Variants in C1QTNF3 observed in about 807,000 individuals in gnomAD.
The protein encoded by C1QTNF3 is complement C1q tumor necrosis factor-related protein 3.
C1QTNF3 carries 26 observed loss-of-function variants against 32.6 expected under a neutral mutation model. The ratio of observed to expected loss-of-function variants is 0.80; its 90% CI spans 0.58 to 1.11. C1QTNF3 has a LOEUF of 1.11. Ranked by LOEUF, C1QTNF3 falls within the 50% of genes least tolerant of loss-of-function variation. The pLI is 0.00. For missense variants in C1QTNF3, 362 were observed against 398.2 expected (o/e 0.91, Z 0.77); for synonymous variants, 155 against 146.0 (o/e 1.06, Z -0.44).
At chr5:34,144,808 A>G in the C1QTNF3 span, among the ~76,000 whole-genome samples, 1 of 152,210 alleles carries the variant, frequency 6.6e-6, no homozygotes, top group Non-Finnish European at 1.5e-5. Context: ...TTATAGGCCT[A>G]AACACCTTCA....
At chr5:34,238,110 T>C in the C1QTNF3 span, among the ~76,000 whole-genome samples, 2 of 152,166 alleles carry the variant, frequency 1.3e-5, no homozygotes, top group Admixed American at 6.5e-5. Context: ...CCTGACCCTT[T>C]GAAAGCATCC....
At chr5:34,092,247 A>T in the C1QTNF3 span, among the ~76,000 whole-genome samples, 4 of 151,942 alleles carry the variant, frequency 2.6e-5, no homozygotes, top group African/African-American at 9.7e-5. Context: ...TAATGAGAGC[A>T]ATTTTCCAAA....
chr5:34,119,727 C>T, the C1QTNF3 span, among the ~76,000 whole-genome samples: 2 of 152,120 alleles, frequency 1.3e-5, no homozygotes, highest in African/African-American at 4.8e-5. Context: ...CCATTTTATC[C>T]TGAAAACCAG....
the C1QTNF3 span, among the ~76,000 whole-genome samples, chr5:34,145,174 T>C: frequency 3.9e-5 from 6 of 151,956 alleles, no homozygotes; most frequent in Non-Finnish European, 8.8e-5. Context: ...AGAAGAACTA[T>C]ATGTAATTGA....
chr5:34,162,776 A>G, the C1QTNF3 span, among the ~76,000 whole-genome samples: 1 of 152,172 alleles, frequency 6.6e-6, no homozygotes, highest in East Asian at 1.9e-4. Flanking sequence ...GTTCAACAAA[A>G]CAGAATTTTA....
intron 1 of C1QTNF3, among the ~76,000 whole-genome samples, chr5:34,040,697 C>A (rs1754847334): frequency 6.6e-6 from 1 of 152,136 alleles, no homozygotes; most frequent in Non-Finnish European, 1.5e-5. Flanking sequence ...CAGAATCCTT[C>A]TTGGCACTAA....
chr5:34,071,191 T>C, the C1QTNF3 span, among the ~76,000 whole-genome samples: 1 of 152,196 alleles, frequency 6.6e-6, no homozygotes, highest in Non-Finnish European at 1.5e-5. Flanking sequence ...TAATCAAATT[T>C]AAGGTGGTCA....
chr5:34,093,224 T>C, the C1QTNF3 span, among the ~76,000 whole-genome samples: 1 of 150,234 alleles, frequency 6.7e-6, no homozygotes, highest in Non-Finnish European at 1.5e-5. Flanking sequence ...ATCTCATTTA[T>C]TATCTAGGTG....
At chr5:34,114,623 T>A in the C1QTNF3 span, among the ~76,000 whole-genome samples, 1 of 152,186 alleles carries the variant, frequency 6.6e-6, no homozygotes, top group Admixed American at 6.5e-5. Context: ...TTTTACTTTT[T>A]TTTTGTTTTA....
At chr5:34,223,634 C>T in the C1QTNF3 span, among the ~76,000 whole-genome samples, 1 of 151,864 alleles carries the variant, frequency 6.6e-6, no homozygotes, top group East Asian at 1.9e-4. Flanking sequence ...ACAGTCCCAC[C>T]AACAGTGTAA....
the C1QTNF3 span, among the ~76,000 whole-genome samples, chr5:34,071,440 A>T: frequency 6.6e-6 from 1 of 152,300 alleles, no homozygotes; most frequent in East Asian, 1.9e-4. Flanking sequence ...TTAATGACTC[A>T]TTATTTCCAT....
the C1QTNF3 span, among the ~76,000 whole-genome samples, chr5:34,143,554 T>C: frequency 1.3e-5 from 2 of 152,214 alleles, no homozygotes; most frequent in East Asian, 3.9e-4. Context: ...ATATATTATA[T>C]ACAGACAGAA....
In C1QTNF3 at chr5:34,023,930, T is replaced by C; in HGVS notation, c.779A>G (p.Asn260Ser). The C allele has an allele frequency of 1.2e-6, 2 of 1,614,094 alleles. No homozygotes were observed. The highest frequency in any genetic ancestry group is 1.7e-6 in the Non-Finnish European group (2 of 1,179,950). Residue 260 changes from asparagine to serine, a missense_variant, in exon 5 of 6, where the codon AAC becomes AGC. Transcript: ENST00000382065. ...EVYVYLMHNGNTVFSMYSYEM... is the reference protein window; with the variant it reads ...EVYVYLMHNGSTVFSMYSYEM... ...CCACCTGTACATGCTGAAGACTGTG[T>C]TGCCATTGTGCATAAGGTACACATA... is the stretch of plus-strand genomic sequence containing the variant.
chr5:34,028,454 T>G (rs961627199), intron 4 of C1QTNF3, among the ~76,000 whole-genome samples: 1 of 152,172 alleles, frequency 6.6e-6, no homozygotes, highest in African/African-American at 2.4e-5. Flanking sequence ...ATTATTTAGC[T>G]CAGTCTAAAT....
chr5:34,040,641 C>G (rs1304089752), intron 1 of C1QTNF3, among the ~76,000 whole-genome samples: 1 of 152,092 alleles, frequency 6.6e-6, no homozygotes, highest in Non-Finnish European at 1.5e-5. Context: ...TATGAACAAA[C>G]AAAACCTAGC....
chr5:34,197,697 C>G, the C1QTNF3 span, among the ~76,000 whole-genome samples: 1 of 152,026 alleles, frequency 6.6e-6, no homozygotes, highest in Non-Finnish European at 1.5e-5. Context: ...TCCCCCGAAG[C>G]CTTTAACTTG....
At chr5:34,232,246 T>G in the C1QTNF3 span, among the ~76,000 whole-genome samples, 9 of 152,182 alleles carry the variant, frequency 5.9e-5, no homozygotes, top group East Asian at 1.9e-4. Flanking sequence ...AACTAACTTG[T>G]TTTTGATTTT....
the C1QTNF3 span, among the ~76,000 whole-genome samples, chr5:34,121,881 T>C: frequency 9.9e-5 from 15 of 152,168 alleles, 1 homozygote; most frequent in Admixed American, 9.8e-4. Context: ...GACCTCCCCC[T>C]GAGCTGTTCC....
chr5:34,204,367 G>C, the C1QTNF3 span, among the ~76,000 whole-genome samples: 1 of 152,194 alleles, frequency 6.6e-6, no homozygotes, highest in African/African-American at 2.4e-5. Flanking sequence ...TGGATAATTA[G>C]ATTAATAAAT....
Sources: gnomAD v4.1 joint callset for allele counts (sites outside exome capture counted in the v4.1 genomes callset) on GRCh38, gnomAD v4.1.1 for gene constraint, MANE v1.5 for transcripts, NCBI Gene and HGNC (gene_info 2026-07-23, HGNC 2026-07-21) for gene names.